The following PLEKHG6 variants were observed in gnomAD, a reference collection of about 807,000 sequenced individuals.
PLEKHG6 encodes the protein pleckstrin homology domain-containing family G member 6.
PLEKHG6 carries 91 observed loss-of-function variants against 97.5 expected under a neutral mutation model. The ratio of observed to expected loss-of-function variants is 0.93; its 90% CI spans 0.79 to 1.11. The LOEUF is 1.11. PLEKHG6 is among the 50% of genes most tolerant of loss of function. PLEKHG6 has a pLI of 0.00. For missense variants in PLEKHG6, 1,044 were observed against 1,031.0 expected, an observed-to-expected ratio of 1.01 and a Z score of -0.17; for synonymous variants, 466 against 425.5, an observed-to-expected ratio of 1.10 and a Z score of -1.17.
Position 6,315,865 on chromosome 12 carries a change from G to A in PLEKHG6, c.556-4G>A. The stretch of plus-strand genomic sequence containing the variant: ...TCCTGAGACCCTCGTCTCCCTCCCT[G>A]CAGCTGCTAGCCGCCGGCCTGCTGA... On this transcript the variant is annotated splice_region_variant and splice_polypyrimidine_tract_variant and intron_variant, in intron 5 of 15. Coordinates refer to ENST00000684764, the MANE Select transcript of PLEKHG6 (RefSeq NM_001384598.1). The surrounding 1 kb of genome is among the most constrained non-coding windows in gnomAD (Gnocchi z 4.5). 1 of 1,561,618 alleles carries A rather than the reference G, an allele frequency of 6.4e-7. No individual in the cohort carries two copies. The highest frequency in any genetic ancestry group is 8.7e-7 in the Non-Finnish European group (1 of 1,152,492).
At chr12:6,319,163 A>G in intron 13 of PLEKHG6, 55 bp downstream of exon 13, 1 of 1,159,460 alleles carries the variant, frequency 8.6e-7, no homozygotes, top group Non-Finnish European at 1.3e-6. Context: ...GAGCTCAGAA[A>G]TGGGAGCACA....
chr12:6,312,342 A>G lies in PLEKHG6; in HGVS notation c.116A>G (p.Tyr39Cys). Residue 39 changes from tyrosine (Y) to cysteine (C), a missense_variant, in exon 2 of 16, where the codon TAT becomes TGT. Tyr to Cys is a radical substitution (Grantham distance 194). Transcript: ENST00000684764. ...ASAQSTAGRL[Y>C]PRGYPVLDPS... ...GCTCAGAGCACTGCTGGCAGACTCT[A>G]TCCCCGAGGATACCCTGTGCTGGTG... 6.3e-7 allele frequency: 1 copy of G among 1,583,662 alleles called. No individual in the cohort carries two copies.
At chr12:6,325,356 C>T (rs752283390) in intron 13 of PLEKHG6, among the ~76,000 whole-genome samples, 1 of 152,204 alleles carries the variant, frequency 6.6e-6, no homozygotes, top group Non-Finnish European at 1.5e-5. Flanking sequence ...GTCTAGGTTT[C>T]TTGTCTGTAA....
intron 13 of PLEKHG6, among the ~76,000 whole-genome samples, chr12:6,325,445 A>C (rs1462334529): frequency 1.3e-5 from 2 of 152,216 alleles, no homozygotes; most frequent in African/African-American, 2.4e-5. Context: ...AGTGCTTTGA[A>C]AATTTTTTCT....
At position 6,316,581 on chromosome 12, in the gene PLEKHG6, GCCA is replaced by G. The variant is rs1453350127; in HGVS notation, c.756+179_756+181del. On this transcript the variant is annotated intron_variant, in intron 7 of 15. Transcript: ENST00000684764. The surrounding 1 kb of genome is among the most constrained non-coding windows in gnomAD (Gnocchi z 4.1). The stretch of plus-strand genomic sequence containing the variant: ...TTCATGCCACAAGTCTGACCTCTGT[GCCA>G]CAGGCTCCTTGTTCTTCTGGAGGCC... 6.6e-6 allele frequency among the ~76,000 whole-genome samples: 1 copy of G among 152,198 alleles called. No homozygotes were observed. The highest frequency in any genetic ancestry group is 1.9e-4 in the East Asian group (1 of 5,206).
chr12:6,311,267 C>G (rs1023878052), intron 1 of PLEKHG6, among the ~76,000 whole-genome samples: 2 of 152,186 alleles, frequency 1.3e-5, no homozygotes, highest in Non-Finnish European at 2.9e-5. Flanking sequence ...CCACGCCTGG[C>G]CCCCAGCTCC....
rs759594686 is a variant in PLEKHG6, at chr12:6,319,092, A to T, written c.1508A>T (p.Lys503Met). ...SPTDRAQWLE[K>M]TQQAQAALQK... is the part of the protein sequence containing the mutation. ...ACAGACCGTGCCCAGTGGCTGGAGA[A>T]GACCCAGCAGGCCCAGGTATGGGAA... Residue 503 changes from lysine (K) to methionine (M), a missense_variant, in exon 13 of 16, where the codon AAG (lysine) becomes ATG (methionine). By Grantham distance (95) the Lys-to-Met change is moderately conservative. Coordinates refer to ENST00000684764, the MANE Select transcript of PLEKHG6 (RefSeq NM_001384598.1). 6.2e-6 allele frequency: 10 copies of T among 1,606,138 alleles called. No homozygotes were observed. The African/African-American group carries it at 1.3e-4, about 21-fold the overall frequency.
intron 9 of PLEKHG6, 79 bp from the exon 10 acceptor site, chr12:6,317,778 T>C: frequency 6.4e-7 from 1 of 1,564,310 alleles, no homozygotes; most frequent in Non-Finnish European, 8.7e-7. Context: ...TGTGACAGTG[T>C]GGCGCTGTGC....
rs1374637094 is a variant in PLEKHG6 at position 6,327,944 on chromosome 12, A to G, written c.2361A>G (p.Ala787=). 2.7e-6 allele frequency: 4 copies of G among 1,493,802 alleles called. No individual in the cohort carries two copies. The Admixed American group carries it at 7.2e-5, about 27-fold the overall frequency. The allele number at this position is 1,493,802 out of a possible 1,614,324, so 92.5% of individuals were successfully genotyped here. ...TTCAGCTGGACACCCCTCTGTCCGC[A>G]TCGTAAGTGCTGGAGGGAAGCTGGC... The part of the protein sequence containing the change: ...HIIQLDTPLS[A]SEV The change falls in exon 15 of 16, where the codon GCA becomes GCG. Residue 787 remains alanine, a splice_region_variant and synonymous_variant. Coordinates refer to ENST00000684764, the MANE Select transcript of PLEKHG6 (RefSeq NM_001384598.1).
At position 6,318,308 on chromosome 12, in the gene PLEKHG6, G is replaced by A. The variant is rs748865560; in HGVS notation, c.1163G>A (p.Arg388His). Reference sequence around the variant, plus strand: ...CCCCTCTGTGTCCCTCAGAACCTGCGCCCATTCTCCACCCTGGACCTGACG... The same window carrying A: ...CCCCTCTGTGTCCCTCAGAACCTGCACCCATTCTCCACCCTGGACCTGACG... Reference protein sequence around the residue: ...PPSDEVEKNLRPFSTLDLTSP... With the variant: ...PPSDEVEKNLHPFSTLDLTSP... The change falls in exon 11 of 16, where the codon CGC (arginine) becomes CAC (histidine). Residue 388 changes from arginine to histidine, a missense_variant. Transcript: ENST00000684764. 9 of 1,613,882 alleles carry A rather than the reference G, an allele frequency of 5.6e-6. No individual in the cohort carries two copies. Among genetic ancestry groups the A allele is most frequent in the East Asian group, 4.5e-5 (2 of 44,892 alleles).
chr12:6,322,184 C>G (rs1175619738), intron 13 of PLEKHG6, among the ~76,000 whole-genome samples: 1 of 152,152 alleles, frequency 6.6e-6, no homozygotes, highest in Non-Finnish European at 1.5e-5. Flanking sequence ...GGACCCCAGA[C>G]AGAAATGCAG....
intron 2 of PLEKHG6, 97 bp downstream of exon 2, chr12:6,312,461 G>C: frequency 7.5e-7 from 1 of 1,337,970 alleles, no homozygotes; most frequent in Non-Finnish European, 1.0e-6. Flanking sequence ...CAGAGGTTGA[G>C]CTATTCCTGC....
In PLEKHG6 at chr12:6,315,022, T is replaced by G. The variant is rs35564399; in HGVS notation, c.312T>G (p.His104Gln). The change falls in exon 4 of 16, where the codon CAT (histidine) becomes CAG (glutamine). Residue 104 changes from histidine (H) to glutamine (Q), a missense_variant. Physicochemically the swap from His to Gln is conservative, Grantham distance 24. Coordinates refer to ENST00000684764, the MANE Select transcript of PLEKHG6 (RefSeq NM_001384598.1). The surrounding 1 kb of genome is among the most constrained non-coding windows in gnomAD (Gnocchi z 4.5). ...TCCCCCAGGAACTCACCAAGGCCCA[T>G]GAGCTGGAGGTGAGGCTGCACACTT... Reference protein sequence around the residue: ...SPKLKELTKAHELEVRLHTFS... With the variant: ...SPKLKELTKAQELEVRLHTFS... The G allele has an allele frequency of 1.2e-6, 2 of 1,613,522 alleles. No individual in the cohort carries two copies. Among genetic ancestry groups the G allele is most frequent in the African/African-American group, 1.3e-5 (1 of 74,836 alleles).
At chr12:6,314,984 T>C (rs1438447956) in intron 3 of PLEKHG6, 21 bp from the exon 4 acceptor site, 3 of 1,609,976 alleles carry the variant, frequency 1.9e-6, no homozygotes, top group Non-Finnish European at 2.5e-6. Context: ...CCAGAGCTGA[T>C]GCCCTTCTCG....
intron 13 of PLEKHG6, among the ~76,000 whole-genome samples, chr12:6,326,206 G>A (rs573319311): frequency 1.3e-4 from 20 of 152,282 alleles, no homozygotes; most frequent in Middle Eastern, 3.4e-3. Context: ...TAAGGAGGCT[G>A]AGGCAGGAGA....
intron 13 of PLEKHG6, among the ~76,000 whole-genome samples, chr12:6,324,373 C>T (rs1207506543): frequency 1.3e-5 from 2 of 151,956 alleles, no homozygotes; most frequent in African/African-American, 2.4e-5. Flanking sequence ...ATTGAACGTC[C>T]CTTACAGAAA....
chr12:6,316,336 A>G lies in PLEKHG6; in HGVS notation c.688A>G (p.Thr230Ala), dbSNP rs1251155088. 1 of 1,561,960 alleles carries G rather than the reference A, an allele frequency of 6.4e-7. No individual in the cohort carries two copies. Among genetic ancestry groups the G allele is most frequent in the Middle Eastern group, 1.7e-4 (1 of 6,002 alleles). Residue 230 changes from threonine (T) to alanine (A), a missense_variant, in exon 7 of 16, where the codon ACC (threonine) becomes GCC (alanine). Physicochemically the swap from Thr to Ala is moderately conservative, Grantham distance 58 (BLOSUM62 0). Coordinates refer to ENST00000684764, the MANE Select transcript of PLEKHG6 (RefSeq NM_001384598.1). This position sits in a 1 kb window ranked among gnomAD's most constrained non-coding sequence, Gnocchi z 4.1. ...CTTTTGGGATGAGGTGCTGGGGCCCACCCTGGAGGAGACTCGGGCCTCGGG... is the reference window on the plus strand; with the variant it reads ...CTTTTGGGATGAGGTGCTGGGGCCCGCCCTGGAGGAGACTCGGGCCTCGGG... ...RSFWDEVLGP[T>A]LEETRASGQP...
intron 14 of PLEKHG6, 98 bp from the exon 15 acceptor site, chr12:6,327,156 G>C: frequency 2.7e-6 from 2 of 733,672 alleles, no homozygotes; most frequent in Non-Finnish European, 4.7e-6. Context: ...ACCAAAATAA[G>C]TTTGGAGGAG....
Position 6,315,124 on chromosome 12 carries a change from C to A in PLEKHG6, c.414C>A (p.Gly138=), listed in dbSNP as rs745841776. The A allele has an allele frequency of 2.5e-6, 4 of 1,612,314 alleles. No homozygotes were observed. In the South Asian group the frequency reaches 3.3e-5, roughly 13 times the overall value. The change falls in exon 4 of 16, where the codon GGC becomes GGA. Residue 138 remains glycine (G), a synonymous_variant. Transcript: ENST00000684764. This position sits in a 1 kb window ranked among gnomAD's most constrained non-coding sequence, Gnocchi z 4.5. ...AGATAGGAGAGGGTGGCGACAGTGG[C>A]CTGACCATCGAGAAGTCCTGGAGGG... is the stretch of plus-strand genomic sequence containing the variant. ...HWEIGEGGDS[G]LTIEKSWREL... is the part of the protein sequence containing the mutation.
Sources: allele counts gnomAD v4.1 joint callset (sites outside exome capture counted in the v4.1 genomes callset), GRCh38; gene constraint gnomAD v4.1.1; non-coding constraint Gnocchi (gnomAD v3.1); transcripts MANE v1.5; gene names NCBI Gene and HGNC (gene_info 2026-07-23, HGNC 2026-07-21).